RAP1A: variants seen among roughly 807,000 people sequenced by gnomAD.
RAP1A encodes the protein RAP1A, member of RAS oncogene family.
Under a neutral mutation model 26.4 loss-of-function variants are expected in RAP1A, and 6 were observed. That is an observed-to-expected ratio of 0.23 (90% CI 0.12 to 0.45). The LOEUF is 0.45. RAP1A is among the 20% of genes least tolerant of loss of function. The pLI, the probability that RAP1A is intolerant of heterozygous loss-of-function variation, is 0.99. For synonymous variants in RAP1A, 73 were observed against 79.4 expected, an observed-to-expected ratio of 0.92 and a Z score of 0.43; for missense variants, 121 against 217.2, an observed-to-expected ratio of 0.56 and a Z score of 2.78.
intron 1 of RAP1A, among the ~76,000 whole-genome samples, chr1:111,642,431 CCT>C (rs1659919338): frequency 2.6e-5 from 4 of 151,844 alleles, no homozygotes; most frequent in African/African-American, 9.7e-5. Context: ...ATTTCTTACC[CCT>C]TTCTTGCTTA....
At chr1:111,688,273 G>GTA (rs1272111188) in intron 1 of RAP1A, among the ~76,000 whole-genome samples, 1 of 124,766 alleles carries the variant, frequency 8.0e-6, no homozygotes, top group East Asian at 2.3e-4. Context: ...GTCTGTGTGT[G>GTA]TGTGTGTGTG....
chr1:111,559,408 T>G (rs1890549), intron 1 of RAP1A, among the ~76,000 whole-genome samples: 50,602 of 152,040 alleles, frequency 0.33, 9,531 homozygotes, highest in Non-Finnish European at 0.43. Context: ...CTATTCTTTA[T>G]GAAACTTAGT....
rs989039166 is a variant in RAP1A, at chr1:111,711,126, C to T, written c.*30-1305C>T. Among the ~76,000 whole-genome samples the T allele has an allele frequency of 7.9e-5, 12 of 152,196 alleles. No homozygotes were observed. The East Asian group carries it at 9.6e-4, about 12-fold the overall frequency. ...TGCTGGGATTACAGGCGTGAGCCAC[C>T]GCGCCTGGCCTTGATTCTATAACTT... is the stretch of plus-strand genomic sequence containing the variant. On this transcript the variant is annotated intron_variant, in intron 7 of 7. Transcript: ENST00000369709.
chr1:111,712,848 T>C lies in RAP1A; in HGVS notation c.*447T>C, dbSNP rs150545593. 1.8e-3 allele frequency: 269 copies of C among 152,562 alleles called. 2 individuals are homozygous for C. The highest frequency in any genetic ancestry group is 6.2e-3 in the African/African-American group (256 of 41,570). The allele number at this position is 152,562 out of a possible 1,614,324, so 9.5% of individuals were successfully genotyped here. A position where few individuals can be genotyped will look rare whatever the true frequency, so the allele number is the denominator to read the frequency against. On this transcript the variant is annotated 3_prime_UTR_variant, in exon 8 of 8. Transcript: ENST00000369709. ...TTATGAAATGTCCCCTCAAACTCAT[T>C]GCAGCAGATAACTTTTTTGAGTCAT...
chr1:111,651,317 C>CTT (rs1448561111), intron 1 of RAP1A, among the ~76,000 whole-genome samples: 1 of 151,960 alleles, frequency 6.6e-6, no homozygotes, highest in Admixed American at 6.6e-5. Flanking sequence ...AATTTTGACT[C>CTT]TTAAGGGCAT....
At chr1:111,630,481 T>G (rs1223479545) in intron 1 of RAP1A, among the ~76,000 whole-genome samples, 1 of 152,038 alleles carries the variant, frequency 6.6e-6, no homozygotes. Flanking sequence ...CACTGAAGGG[T>G]TGATGATAGT....
intron 1 of RAP1A, among the ~76,000 whole-genome samples, chr1:111,642,720 C>G (rs1392758832): frequency 2.0e-5 from 3 of 151,260 alleles, no homozygotes; most frequent in Non-Finnish European, 4.4e-5. Context: ...ATCTCCTGAC[C>G]TCGTGATCCA....
chr1:111,596,753 A>C (rs1025737393), intron 1 of RAP1A, among the ~76,000 whole-genome samples: 5 of 152,230 alleles, frequency 3.3e-5, no homozygotes, highest in African/African-American at 1.2e-4. Flanking sequence ...CTCACATGGT[A>C]GAAGGGGTGA....
rs949595270 is a variant in RAP1A at position 111,619,872 on chromosome 1, G to GGGA, written c.-72_-70dup. The stretch of plus-strand genomic sequence containing the variant: ...GGAGCAGGAGCCACGGCCGAGAGGA[G>GGGA]GGAGGAGGAGGAGGAGGAGGTGGAG... On this transcript the variant is annotated 5_prime_UTR_variant, in exon 1 of 8. Transcript: ENST00000369709. 27 of 396,374 alleles carry GGGA rather than the reference G, an allele frequency of 6.8e-5. No homozygotes were observed. Among genetic ancestry groups the GGGA allele is most frequent in the African/African-American group, 2.3e-4 (11 of 48,054 alleles). 24.6% of individuals were successfully genotyped at this position (396,374 alleles called of 1,614,324 possible).
At chr1:111,652,199 C>T (rs1269906511) in intron 1 of RAP1A, among the ~76,000 whole-genome samples, 2 of 152,148 alleles carry the variant, frequency 1.3e-5, no homozygotes, top group Non-Finnish European at 2.9e-5. Context: ...GTCTCGAACT[C>T]CTGATCTCAG....
intron 1 of RAP1A, among the ~76,000 whole-genome samples, chr1:111,688,822 G>GTTTTTTTTTTTTGT (rs767753356): frequency 1.1e-5 from 1 of 90,060 alleles, no homozygotes; most frequent in Non-Finnish European, 2.3e-5. Flanking sequence ...TTTTTTTTTT[G>GTTTTTTTTTTTTGT]TTTTTTTTTT....
At chr1:111,578,530 A>G (rs911308665) in intron 1 of RAP1A, among the ~76,000 whole-genome samples, 5 of 152,168 alleles carry the variant, frequency 3.3e-5, no homozygotes, top group African/African-American at 1.2e-4. Flanking sequence ...ATATGAACTC[A>G]CTACTAATAC....
chr1:111,573,936 G>T (rs1432786480), intron 1 of RAP1A, among the ~76,000 whole-genome samples: 1 of 151,892 alleles, frequency 6.6e-6, no homozygotes, highest in African/African-American at 2.4e-5. Flanking sequence ...AGTATCTTTT[G>T]CTGTGCAGAA....
intron 1 of RAP1A, among the ~76,000 whole-genome samples, chr1:111,685,443 C>G (rs80289265): frequency 0.04 from 6,118 of 151,700 alleles, 140 homozygotes; most frequent in South Asian, 0.079. Context: ...AAGAAACAAC[C>G]TCATCAAAAA....
chr1:111,590,536 A>T (rs1338842382), intron 1 of RAP1A, among the ~76,000 whole-genome samples: 2 of 151,692 alleles, frequency 1.3e-5, no homozygotes, highest in African/African-American at 2.4e-5. Context: ...AATAATTTGA[A>T]TTTTTTCTCC....
chr1:111,656,184 T>C (rs1446969553), intron 1 of RAP1A, among the ~76,000 whole-genome samples: 1 of 151,254 alleles, frequency 6.6e-6, no homozygotes, highest in Admixed American at 6.6e-5. Context: ...AAAATAGTTA[T>C]GAAAAACTTC....
intron 1 of RAP1A, among the ~76,000 whole-genome samples, chr1:111,557,290 T>TG (rs1657533061): frequency 1.3e-5 from 2 of 152,228 alleles, no homozygotes; most frequent in Non-Finnish European, 2.9e-5. Context: ...GGCTCACGCC[T>TG]GTAATCCTAG....
chr1:111,707,663 A>C (rs562196655), intron 6 of RAP1A, among the ~76,000 whole-genome samples: 1 of 152,198 alleles, frequency 6.6e-6, no homozygotes, highest in Admixed American at 6.5e-5. Flanking sequence ...AGAATTATTT[A>C]TTCCAGATTA....
chr1:111,623,281 C>T (rs1288603475), intron 1 of RAP1A, among the ~76,000 whole-genome samples: 1 of 152,042 alleles, frequency 6.6e-6, no homozygotes, highest in East Asian at 1.9e-4. Context: ...CCACCTTGGC[C>T]TCCAAAAGTG....
Sources: allele counts gnomAD v4.1 joint callset (sites outside exome capture counted in the v4.1 genomes callset), GRCh38; gene constraint gnomAD v4.1.1; transcripts MANE v1.5; gene names NCBI Gene and HGNC (gene_info 2026-07-23, HGNC 2026-07-21).